The following MAP3K5 variants were observed in gnomAD, a reference collection of about 807,000 sequenced individuals.
MAP3K5 encodes the protein mitogen-activated protein kinase kinase kinase 5.
A neutral mutation model predicts 158.7 loss-of-function variants in MAP3K5; 56 were observed. The observed-to-expected ratio is 0.35, with a 90% CI of 0.28 to 0.44. The LOEUF (loss-of-function observed/expected upper bound fraction) is 0.44, where lower values mean the gene tolerates loss of function less well. Ranked by LOEUF, MAP3K5 falls within the 20% of genes least tolerant of loss-of-function variation. MAP3K5 has a pLI of 1.00. For synonymous variants in MAP3K5, 579 were observed against 601.7 expected (o/e 0.96, Z 0.55); for missense variants, 1,294 against 1,674.8 (o/e 0.77, Z 3.97).
intron 14 of MAP3K5, 100 bp downstream of exon 14, chr6:136,637,225 G>C (rs1311139163): frequency 8.0e-6 from 10 of 1,247,352 alleles, no homozygotes; most frequent in Non-Finnish European, 1.2e-5. Flanking sequence ...CCTACAGACA[G>C]TCTCCTACCC....
intron 2 of MAP3K5, among the ~76,000 whole-genome samples, chr6:136,710,313 C>T (rs1007245884): frequency 1.1e-4 from 16 of 152,158 alleles, no homozygotes; most frequent in African/African-American, 3.9e-4. Context: ...AATATAAACT[C>T]CAGTTCCTTG....
At chr6:136,677,627 T>C (rs1779763666) in intron 7 of MAP3K5, among the ~76,000 whole-genome samples, 1 of 152,188 alleles carries the variant, frequency 6.6e-6, no homozygotes, top group African/African-American at 2.4e-5. Context: ...GGAGCAGCCT[T>C]CTCATGGAAA....
chr6:136,627,047 T>G (rs925082826), intron 14 of MAP3K5, among the ~76,000 whole-genome samples: 1 of 152,238 alleles, frequency 6.6e-6, no homozygotes, highest in Admixed American at 6.5e-5. Flanking sequence ...GATATTACAG[T>G]ATATTGTTAA....
At chr6:136,592,806 A>G (rs1298315631) in intron 21 of MAP3K5, 192 bp from the exon 22 acceptor site, 5 of 662,152 alleles carry the variant, frequency 7.6e-6, no homozygotes, top group South Asian at 7.4e-5. Flanking sequence ...ACAGCAGGGT[A>G]GCCAGGAAAG....
intron 3 of MAP3K5, among the ~76,000 whole-genome samples, chr6:136,700,803 T>C (rs991019441): frequency 2.6e-5 from 4 of 152,106 alleles, no homozygotes; most frequent in Non-Finnish European, 4.4e-5. Flanking sequence ...GAGACCTCTA[T>C]GAGAAAAATC....
At chr6:136,665,478 C>G (rs1303719298) in intron 8 of MAP3K5, among the ~76,000 whole-genome samples, 3 of 151,846 alleles carry the variant, frequency 2.0e-5, no homozygotes, top group African/African-American at 7.3e-5. Flanking sequence ...TCCCAAGGAG[C>G]TGGAATTACA....
intron 7 of MAP3K5, among the ~76,000 whole-genome samples, chr6:136,687,025 A>G (rs1780178610): frequency 6.6e-6 from 1 of 152,278 alleles, no homozygotes. Flanking sequence ...TTCAAACTAT[A>G]CTACAAGGCT....
intron 7 of MAP3K5, among the ~76,000 whole-genome samples, chr6:136,670,311 T>C (rs1301017999): frequency 3.3e-5 from 5 of 152,132 alleles, no homozygotes; most frequent in Non-Finnish European, 5.9e-5. Context: ...CGATATTCAA[T>C]ATAATTTCAC....
intron 2 of MAP3K5, among the ~76,000 whole-genome samples, chr6:136,714,021 G>T (rs985749814): frequency 6.6e-6 from 1 of 152,126 alleles, no homozygotes; most frequent in Admixed American, 6.5e-5. Flanking sequence ...AAAATTCTTT[G>T]TTAAACTAAA....
intron 26 of MAP3K5, among the ~76,000 whole-genome samples, chr6:136,566,090 G>A (rs781759326): frequency 1.4e-4 from 22 of 152,106 alleles, no homozygotes; most frequent in African/African-American, 3.9e-4. Context: ...GAAAGCGGCC[G>A]GAAGCCCTCA....
chr6:136,613,434 G>A lies in MAP3K5; in HGVS notation c.2279-178C>T, dbSNP rs796311697. Among the ~76,000 whole-genome samples, 3 of 152,280 alleles carry A rather than the reference G, an allele frequency of 2.0e-5. No homozygotes were observed. The highest frequency in any genetic ancestry group is 7.2e-5 in the African/African-American group (3 of 41,564). On this transcript the variant is annotated intron_variant, in intron 16 of 29. Coordinates refer to ENST00000359015, the MANE Select transcript of MAP3K5 (RefSeq NM_005923.4). The surrounding 1 kb of genome is among the most constrained non-coding windows in gnomAD (Gnocchi z 4.0). Reference sequence around the variant, plus strand: ...AAATATCCCTACTCTAAAGATGCTTGTAATCAAATATGTCTAAGTAAAAGG... The same window carrying A: ...AAATATCCCTACTCTAAAGATGCTTATAATCAAATATGTCTAAGTAAAAGG...
At chr6:136,756,560 G>T (rs1371273751) in intron 1 of MAP3K5, among the ~76,000 whole-genome samples, 4 of 152,122 alleles carry the variant, frequency 2.6e-5, no homozygotes, top group African/African-American at 9.7e-5. Context: ...CCGCCTCCCG[G>T]AAGGGTATTG....
intron 1 of MAP3K5, among the ~76,000 whole-genome samples, chr6:136,762,367 T>C (rs992063597): frequency 1.3e-5 from 2 of 152,174 alleles, no homozygotes; most frequent in African/African-American, 4.8e-5. Context: ...TTTCCAAATA[T>C]AGACAGTACA....
At chr6:136,758,697 G>A (rs1783610196) in intron 1 of MAP3K5, among the ~76,000 whole-genome samples, 1 of 152,208 alleles carries the variant, frequency 6.6e-6, no homozygotes, top group Admixed American at 6.5e-5. Flanking sequence ...CATAAGTGAA[G>A]ACTCTGTTTA....
At position 136,622,974 on chromosome 6, in the gene MAP3K5, T is replaced by C. The variant is rs372654498; in HGVS notation, c.2024A>G (p.Tyr675Cys). ...TCTGTCACCATTTTCATCATATTCA[T>C]AGTCATACTACAAAAGGAAAAACGG... is the stretch of plus-strand genomic sequence containing the variant. ...DCESDLLEYD[Y>C]EYDENGDRVV... Residue 675 changes from tyrosine to cysteine, a missense_variant, in exon 15 of 30, where the codon TAT becomes TGT. Tyr to Cys is a radical substitution (Grantham distance 194). Around this residue, in one of 5 missense-constraint regions of MAP3K5, gnomAD observed 690 missense variants for 870.5 expected, o/e 0.79. Coordinates refer to ENST00000359015, the MANE Select transcript of MAP3K5 (RefSeq NM_005923.4). 3.7e-6 allele frequency: 6 copies of C among 1,613,812 alleles called. No homozygotes were observed. Among genetic ancestry groups the C allele is most frequent in the Non-Finnish European group, 5.1e-6 (6 of 1,179,864 alleles).
chr6:136,773,342 A>G (rs777641320), intron 1 of MAP3K5, among the ~76,000 whole-genome samples: 5 of 152,108 alleles, frequency 3.3e-5, no homozygotes, highest in Non-Finnish European at 5.9e-5. Context: ...TCCCTGTTAC[A>G]TGCCTTCTGT....
At position 136,791,837 on chromosome 6, in the gene MAP3K5, C is replaced by T; in HGVS notation, c.321G>A (p.Val107=). The T allele has an allele frequency of 6.2e-7, 1 of 1,613,886 alleles. No individual in the cohort carries two copies. Among genetic ancestry groups the T allele is most frequent in the Non-Finnish European group, 8.5e-7 (1 of 1,180,016 alleles). ...AGCTCTGCAGGGCCTCGCTCTCGGCCACCACCAGTTGCCCTTGGCTCGCTT... is the reference window on the plus strand; with the variant it reads ...AGCTCTGCAGGGCCTCGCTCTCGGCTACCACCAGTTGCCCTTGGCTCGCTT... ...INEASQGQLV[V]AESEALQSLR... is the part of the protein sequence containing the mutation. The change falls in exon 1 of 30, where the codon GTG becomes GTA. Residue 107 remains valine (V), a synonymous_variant. Transcript: ENST00000359015.
At chr6:136,750,328 T>A (rs1375372647) in intron 1 of MAP3K5, among the ~76,000 whole-genome samples, 1 of 152,134 alleles carries the variant, frequency 6.6e-6, no homozygotes, top group Non-Finnish European at 1.5e-5. Flanking sequence ...TCTGCCTGCC[T>A]CGGCCTCCCA....
At chr6:136,579,304 A>C (rs1394309449) in intron 25 of MAP3K5, among the ~76,000 whole-genome samples, 1 of 152,200 alleles carries the variant, frequency 6.6e-6, no homozygotes, top group Non-Finnish European at 1.5e-5. Context: ...GTAGACTATC[A>C]AAACACGTTG....
Sources: gnomAD v4.1 joint callset for allele counts (sites outside exome capture counted in the v4.1 genomes callset) on GRCh38, gnomAD v4.1.1 for gene constraint, gnomAD v4.1.1 regional missense constraint, Gnocchi (gnomAD v3.1) non-coding constraint, MANE v1.5 for transcripts, NCBI Gene and HGNC (gene_info 2026-07-23, HGNC 2026-07-21) for gene names.